PHACTR1: variants seen among roughly 807,000 people sequenced by gnomAD.
PHACTR1 encodes RPEL repeat containing 1.
Under a neutral mutation model 69.2 loss-of-function variants are expected in PHACTR1, and 16 were observed. That is an observed-to-expected ratio of 0.23 (90% CI 0.16 to 0.35). PHACTR1 has a LOEUF of 0.35. PHACTR1 is among the 10% of genes least tolerant of loss of function. The probability of loss-of-function intolerance (pLI) is 1.00; values close to 1 mark genes in which losing one functional copy is unlikely to be tolerated. For synonymous variants in PHACTR1, 312 were observed against 284.5 expected, an observed-to-expected ratio of 1.10 and a Z score of -0.97; for missense variants, 510 against 734.7, an observed-to-expected ratio of 0.69 and a Z score of 3.54.
chr6:13,102,327 G>C (rs1304319600), intron 5 of PHACTR1, among the ~76,000 whole-genome samples: 1 of 152,078 alleles, frequency 6.6e-6, no homozygotes, highest in Admixed American at 6.6e-5. Flanking sequence ...CCTCTCTTTG[G>C]CTCGGAGTAA....
chr6:13,090,670 C>A (rs1457781238), intron 5 of PHACTR1, among the ~76,000 whole-genome samples: 1 of 152,134 alleles, frequency 6.6e-6, no homozygotes, highest in Non-Finnish European at 1.5e-5. Flanking sequence ...AGAGTAACAT[C>A]CCCAAGATGA....
intron 4 of PHACTR1, among the ~76,000 whole-genome samples, chr6:12,856,788 C>A (rs1011063171): frequency 3.3e-5 from 5 of 152,142 alleles, no homozygotes; most frequent in African/African-American, 9.7e-5. Flanking sequence ...TGCCCTTGGC[C>A]AGTCTAAACA....
chr6:12,907,869 C>T (rs1475882381), intron 4 of PHACTR1, among the ~76,000 whole-genome samples: 1 of 152,178 alleles, frequency 6.6e-6, no homozygotes, highest in East Asian at 1.9e-4. Context: ...TTTTGTTCTA[C>T]CTTGTTAGAG....
intron 6 of PHACTR1, among the ~76,000 whole-genome samples, chr6:13,167,310 A>G (rs1759946569): frequency 6.6e-6 from 1 of 152,212 alleles, no homozygotes; most frequent in Admixed American, 6.5e-5. Context: ...TGCTATTTCC[A>G]TCACTGAATT....
At chr6:12,786,176 G>A (rs551226178) in intron 4 of PHACTR1, among the ~76,000 whole-genome samples, 1 of 152,120 alleles carries the variant, frequency 6.6e-6, no homozygotes, top group Non-Finnish European at 1.5e-5. Context: ...TTTAAACATA[G>A]TACAATGTTC....
intron 4 of PHACTR1, among the ~76,000 whole-genome samples, chr6:12,903,789 T>A (rs1028191975): frequency 3.9e-5 from 6 of 152,200 alleles, no homozygotes; most frequent in African/African-American, 1.4e-4. Context: ...ATGTATAAAG[T>A]CTGTGGTAAA....
At chr6:13,277,734 T>C (rs995814944) in intron 11 of PHACTR1, among the ~76,000 whole-genome samples, 4 of 152,166 alleles carry the variant, frequency 2.6e-5, no homozygotes, top group Non-Finnish European at 4.4e-5. Context: ...GATTGCTTGA[T>C]GCCAGGAGTT....
rs772155756 is a variant in PHACTR1 at position 12,719,500 on chromosome 6, TAGG to T, written c.103+659_103+661del. 1.6e-4 allele frequency among the ~76,000 whole-genome samples: 24 copies of T among 152,124 alleles called. 1 individual carries two copies. Among genetic ancestry groups the T allele is most frequent in the Admixed American group, 1.2e-3 (18 of 15,274 alleles). On this transcript the variant is annotated intron_variant, in intron 3 of 14. Coordinates refer to ENST00000332995, the MANE Select transcript of PHACTR1 (RefSeq NM_030948.6). The stretch of plus-strand genomic sequence containing the variant: ...GGAGTGTTATATGGGATCTCGTGAC[TAGG>T]AGGAGATTTTTTTTTTCACATATTT...
intron 5 of PHACTR1, among the ~76,000 whole-genome samples, chr6:13,138,072 C>T (rs1453213374): frequency 6.6e-6 from 1 of 152,142 alleles, no homozygotes; most frequent in African/African-American, 2.4e-5. Context: ...GTATACTGAG[C>T]TCAACTTTAT....
chr6:13,276,677 C>A lies in PHACTR1; in HGVS notation c.1448-1591C>A, dbSNP rs1778982569. Among the ~76,000 whole-genome samples, 4 of 152,078 alleles carry A rather than the reference C, an allele frequency of 2.6e-5. No individual in the cohort carries two copies. The South Asian group carries it at 8.3e-4, about 32-fold the overall frequency. ...ATCCCAGCTACTCGGGAGGCTGAGG[C>A]AGGAGAATCGCTTGAACTTGGGAGG... On this transcript the variant is annotated intron_variant, in intron 11 of 14. Transcript: ENST00000332995.
intron 8 of PHACTR1, among the ~76,000 whole-genome samples, chr6:13,213,171 C>T (rs543733951): frequency 1.5e-3 from 236 of 152,288 alleles, no homozygotes; most frequent in African/African-American, 5.5e-3. Flanking sequence ...GATATTCTTT[C>T]ACTTATTAAT....
intron 2 of PHACTR1, 105 bp downstream of exon 2, chr6:12,717,848 A>G (rs549134777): frequency 6.6e-6 from 1 of 152,308 alleles, no homozygotes; most frequent in African/African-American, 2.4e-5. Flanking sequence ...AGAGAAACCA[A>G]TTGGATTAGA....
At chr6:13,273,902 G>GCCCCCCCCCCCCCCCCCCCCC (rs71854312) in intron 11 of PHACTR1, 2 of 145,762 alleles carry the variant, frequency 1.4e-5, no homozygotes, top group Admixed American at 6.7e-5. Context: ...GCCTCCCCCG[G>GCCCCCCCCCCCCCCCCCCCCC]CCCCCCCGCC....
chr6:13,243,244 CTTT>C lies in PHACTR1; in HGVS notation c.1391+13065_1391+13067del, dbSNP rs58107564. Among the ~76,000 whole-genome samples the C allele has an allele frequency of 4.3e-3, 588 of 136,216 alleles. 4 individuals are homozygous for C. Among genetic ancestry groups the C allele is most frequent in the African/African-American group, 0.012 (469 of 37,758 alleles). The allele number at this position is 136,216 out of a possible 152,430, so 89.4% of individuals were successfully genotyped here. ...AACTTCAACTTGAGTTGTCAGACCA[CTTT>C]TTTTTTTTTTTTTGCGAGATGTTCT... On this transcript the variant is annotated intron_variant, in intron 10 of 14. Transcript: ENST00000332995.
At chr6:12,735,309 C>T (rs1451027536) in intron 3 of PHACTR1, among the ~76,000 whole-genome samples, 1 of 152,156 alleles carries the variant, frequency 6.6e-6, no homozygotes, top group Admixed American at 6.5e-5. Flanking sequence ...TATGACCTAA[C>T]CTCAGAAGTG....
At chr6:12,935,106 AG>A (rs1254975495) in intron 4 of PHACTR1, among the ~76,000 whole-genome samples, 1 of 152,208 alleles carries the variant, frequency 6.6e-6, no homozygotes, top group African/African-American at 2.4e-5. Flanking sequence ...GCCATAGCAA[AG>A]CTCAATAAAT....
chr6:12,881,800 C>T (rs1035055396), intron 4 of PHACTR1, among the ~76,000 whole-genome samples: 11 of 151,966 alleles, frequency 7.2e-5, no homozygotes, highest in Admixed American at 1.3e-4. Flanking sequence ...CACTTGAATA[C>T]GTGAATAAAT....
intron 4 of PHACTR1, chr6:12,957,666 T>G: frequency 1.0e-6 from 1 of 985,600 alleles, no homozygotes; most frequent in South Asian, 4.7e-5. Flanking sequence ...TGAGTGAGGC[T>G]GGAGAGACCA....
Position 13,193,642 on chromosome 6 carries a change from C to T in PHACTR1, c.664+10956C>T, listed in dbSNP as rs576736086. ...GGCTCAAACAGTCCTCCTGCCTCAG[C>T]CTCCCAAGTAACTGGGACTACAGGC... is the stretch of plus-strand genomic sequence containing the variant. On this transcript the variant is annotated intron_variant, in intron 7 of 14. Transcript: ENST00000332995. Among the ~76,000 whole-genome samples the T allele has an allele frequency of 5.3e-5, 8 of 152,084 alleles. No individual in the cohort carries two copies. In the East Asian group the frequency reaches 1.5e-3, roughly 29 times the overall value.
Sources: allele counts gnomAD v4.1 joint callset (sites outside exome capture counted in the v4.1 genomes callset), GRCh38; gene constraint gnomAD v4.1.1; transcripts MANE v1.5; gene names NCBI Gene and HGNC (gene_info 2026-07-23, HGNC 2026-07-21).